The following TENM3 variants were observed in gnomAD, a reference collection of about 807,000 sequenced individuals.
TENM3 encodes the protein teneurin-3.
In TENM3, 63 loss-of-function variants were observed where a neutral mutation model predicts 255.1. The ratio of observed to expected loss-of-function variants is 0.25; its 90% CI spans 0.20 to 0.30. The LOEUF (loss-of-function observed/expected upper bound fraction) is 0.30, where lower values mean the gene tolerates loss of function less well. Ranked by LOEUF, TENM3 falls within the 10% of genes least tolerant of loss-of-function variation. The pLI, the probability that TENM3 is intolerant of heterozygous loss-of-function variation, is 1.00. For missense variants in TENM3, 2,929 were observed against 3,461.1 expected (o/e 0.85, Z 3.86); for synonymous variants, 1,306 against 1,322.3 (o/e 0.99, Z 0.27).
chr4:181,452,931 A>G, the TENM3 span, among the ~76,000 whole-genome samples: 2 of 152,304 alleles, frequency 1.3e-5, no homozygotes, highest in African/African-American at 4.8e-5. Context: ...GGCTTGAGCT[A>G]AGTAAAGAAT....
intron 26 of TENM3, among the ~76,000 whole-genome samples, chr4:182,794,369 A>G (rs1380373446): frequency 1.3e-5 from 2 of 152,222 alleles, no homozygotes; most frequent in East Asian, 1.9e-4. Flanking sequence ...CGAATGTGTC[A>G]TGTTGGGTTT....
At chr4:182,033,460 TA>T in the TENM3 span, among the ~76,000 whole-genome samples, 1 of 152,190 alleles carries the variant, frequency 6.6e-6, no homozygotes, top group African/African-American at 2.4e-5. Context: ...TACATCCAAT[TA>T]TGTGAAAGAT....
intron 1 of TENM3, among the ~76,000 whole-genome samples, chr4:182,263,481 C>T (rs1014246835): frequency 6.6e-6 from 1 of 152,138 alleles, no homozygotes; most frequent in Non-Finnish European, 1.5e-5. Flanking sequence ...ACAGCTTTGG[C>T]ACTATGAGAT....
rs767763614 is a variant in TENM3 at position 182,731,044 on chromosome 4, G to A, written c.2872G>A (p.Gly958Arg). 2.5e-6 allele frequency: 4 copies of A among 1,613,774 alleles called. No individual in the cohort carries two copies. In the East Asian group the frequency reaches 8.9e-5, roughly 36 times the overall value. ...TGACATTCCCAGCTGTGATCTGAGT[G>A]GATTCGTGAGGCCAAATCCCATCAT... ...ENDIPSCDLSGFVRPNPIIVS... is the reference protein window; with the variant it reads ...ENDIPSCDLSRFVRPNPIIVS... Residue 958 changes from glycine (G) to arginine (R), a missense_variant, in exon 16 of 28, where the codon GGA becomes AGA. This residue lies in a region of TENM3 where 1,608 missense variants were observed against 1,884.4 expected (regional missense o/e 0.85). Coordinates refer to ENST00000511685, the MANE Select transcript of TENM3 (RefSeq NM_001080477.4).
At chr4:182,380,790 G>T (rs1241740857) in intron 3 of TENM3, among the ~76,000 whole-genome samples, 1 of 152,148 alleles carries the variant, frequency 6.6e-6, no homozygotes, top group African/African-American at 2.4e-5. Context: ...TTTCAGCAAG[G>T]GTGTGATTAG....
rs138418970 is a variant in TENM3, at chr4:182,801,593, G to C, written c.*1242G>C. ...ACCACATCAGATGCTGGGGAAATAGGAGGAGGAAAGGTTCTGATGTAGTCG... is the reference window on the plus strand; with the variant it reads ...ACCACATCAGATGCTGGGGAAATAGCAGGAGGAAAGGTTCTGATGTAGTCG... On this transcript the variant is annotated 3_prime_UTR_variant, in exon 28 of 28. Transcript: ENST00000511685. 4 of 152,224 alleles carry C rather than the reference G, an allele frequency of 2.6e-5. No homozygotes were observed. The highest frequency in any genetic ancestry group is 7.2e-5 in the African/African-American group (3 of 41,446). 9.4% of individuals were successfully genotyped at this position (152,224 alleles called of 1,614,324 possible). A position where few individuals can be genotyped will look rare whatever the true frequency, so the allele number is the denominator to read the frequency against.
intron 3 of TENM3, among the ~76,000 whole-genome samples, chr4:182,451,579 A>G (rs372071420): frequency 1.3e-5 from 2 of 152,212 alleles, no homozygotes; most frequent in South Asian, 4.1e-4. Flanking sequence ...CCTGATAATT[A>G]ATGCTGTAAA....
rs1554074650 is a variant in TENM3 at position 182,486,316 on chromosome 4, G to GGT, written c.512-114607_512-114606insTG. ...CTTAAGAAGTATTTTAATTGTGTGTGGGGGGGAGGGTGGGTGGGTGGTCAT... is the reference window on the plus strand; with the variant it reads ...CTTAAGAAGTATTTTAATTGTGTGTGGTGGGGGGAGGGTGGGTGGGTGGTCAT... On this transcript the variant is annotated intron_variant, in intron 3 of 27. Coordinates refer to ENST00000511685, the MANE Select transcript of TENM3 (RefSeq NM_001080477.4). Among the ~76,000 whole-genome samples, 5 of 25,370 alleles carry GGT rather than the reference G, an allele frequency of 2.0e-4. No individual in the cohort carries two copies. The South Asian group carries it at 5.8e-3, about 30-fold the overall frequency. 16.6% of individuals were successfully genotyped at this position (25,370 alleles called of 152,430 possible).
chr4:182,148,849 G>T (rs1355111611), intron 1 of TENM3, among the ~76,000 whole-genome samples: 2 of 151,968 alleles, frequency 1.3e-5, no homozygotes, highest in African/African-American at 2.4e-5. Flanking sequence ...ACCACTTTAA[G>T]ATTTTCTTGG....
the TENM3 span, among the ~76,000 whole-genome samples, chr4:181,454,253 C>G: frequency 1.3e-5 from 2 of 152,128 alleles, no homozygotes; most frequent in Admixed American, 6.5e-5. Context: ...CAAGGTGCCC[C>G]TTATTCTACA....
At position 182,381,647 on chromosome 4, in the gene TENM3, C is replaced by T. The variant is rs1164712629; in HGVS notation, c.511+34718C>T. On this transcript the variant is annotated intron_variant, in intron 3 of 27. Coordinates refer to ENST00000511685, the MANE Select transcript of TENM3 (RefSeq NM_001080477.4). ...CTCGATCTCGGCTCACTGCAACATC[C>T]GCCTCCAGCGTTCAAGTGATTCTCC... Among the ~76,000 whole-genome samples the T allele has an allele frequency of 2.7e-5, 4 of 150,194 alleles. 1 individual carries two copies. The highest frequency in any genetic ancestry group is 4.3e-4 in the South Asian group (2 of 4,664).
chr4:182,027,866 C>T, the TENM3 span, among the ~76,000 whole-genome samples: 1 of 152,012 alleles, frequency 6.6e-6, no homozygotes, highest in Non-Finnish European at 1.5e-5. Flanking sequence ...ATTCAGTTTG[C>T]TAGTATTCTG....
At chr4:181,783,687 G>T in the TENM3 span, among the ~76,000 whole-genome samples, 1 of 152,060 alleles carries the variant, frequency 6.6e-6, no homozygotes, top group Non-Finnish European at 1.5e-5. Context: ...TTTTGTTGTT[G>T]TTTGGTTTGG....
At chr4:182,373,240 T>C (rs1427457043) in intron 3 of TENM3, among the ~76,000 whole-genome samples, 1 of 152,138 alleles carries the variant, frequency 6.6e-6, no homozygotes, top group Non-Finnish European at 1.5e-5. Flanking sequence ...TTATGGAGAG[T>C]GCATGGAAAG....
At chr4:181,863,057 A>T in the TENM3 span, among the ~76,000 whole-genome samples, 1 of 152,274 alleles carries the variant, frequency 6.6e-6, no homozygotes, top group Middle Eastern at 3.4e-3. Flanking sequence ...GAAACTAGGT[A>T]GGTATATTTG....
chr4:182,094,230 G>A, the TENM3 span, among the ~76,000 whole-genome samples: 7 of 151,994 alleles, frequency 4.6e-5, no homozygotes, highest in Non-Finnish European at 7.4e-5. Flanking sequence ...CAGCTACCTC[G>A]AAGCCAGACT....
At chr4:182,326,276 C>T (rs905067814) in intron 2 of TENM3, among the ~76,000 whole-genome samples, 1 of 152,158 alleles carries the variant, frequency 6.6e-6, no homozygotes, top group South Asian at 2.1e-4. Context: ...CTGGTCAGTG[C>T]GCTAGGCAGG....
At chr4:181,743,063 A>C in the TENM3 span, among the ~76,000 whole-genome samples, 1 of 151,606 alleles carries the variant, frequency 6.6e-6, no homozygotes, top group East Asian at 1.9e-4. Context: ...CATTTTCTTA[A>C]TCCAGTCTAT....
chr4:181,721,382 G>T, the TENM3 span, among the ~76,000 whole-genome samples: 4 of 151,556 alleles, frequency 2.6e-5, no homozygotes, highest in Non-Finnish European at 5.9e-5. Flanking sequence ...TCTGGCAGTC[G>T]TATAGAAGTG....
Sources: gnomAD v4.1 joint callset for allele counts (sites outside exome capture counted in the v4.1 genomes callset) on GRCh38, gnomAD v4.1.1 for gene constraint, gnomAD v4.1.1 regional missense constraint, MANE v1.5 for transcripts, NCBI Gene and HGNC (gene_info 2026-07-23, HGNC 2026-07-21) for gene names.